MITF: variants seen among roughly 807,000 people sequenced by gnomAD.
MITF encodes microphthalmia-associated transcription factor.
In MITF, 17 loss-of-function variants were observed where a neutral mutation model predicts 60.5. The observed-to-expected ratio is 0.28, with a 90% CI of 0.19 to 0.42. The LOEUF is 0.42. MITF is among the 10% of genes least tolerant of loss of function. The pLI is 1.00. For synonymous variants in MITF, 260 were observed against 248.5 expected (o/e 1.05, Z -0.43); for missense variants, 622 against 683.5 (o/e 0.91, Z 1.00).
chr3:69,814,793 C>T (rs1269422439), intron 1 of MITF, among the ~76,000 whole-genome samples: 2 of 152,106 alleles, frequency 1.3e-5, no homozygotes, highest in Non-Finnish European at 2.9e-5. Flanking sequence ...CCAGTGGAGT[C>T]ACATGGAGAT....
chr3:69,770,791 G>A (rs762664180), intron 1 of MITF, among the ~76,000 whole-genome samples: 13 of 152,166 alleles, frequency 8.5e-5, no homozygotes, highest in Admixed American at 2.0e-4. Context: ...ATGGTTGAAT[G>A]TAGGAAGTGG....
intron 1 of MITF, among the ~76,000 whole-genome samples, chr3:69,845,641 C>A (rs1345802869): frequency 2.0e-5 from 3 of 152,178 alleles, no homozygotes; most frequent in African/African-American, 7.2e-5. Flanking sequence ...ACCCAGTTAG[C>A]CTTTAGATGT....
intron 7 of MITF, among the ~76,000 whole-genome samples, chr3:69,955,737 C>A (rs2066380243): frequency 6.6e-6 from 1 of 151,998 alleles, no homozygotes; most frequent in South Asian, 2.1e-4. Context: ...ATCTCATGAC[C>A]CAGGAGATGG....
At chr3:69,902,827 C>T (rs1416364421) in intron 2 of MITF, among the ~76,000 whole-genome samples, 4 of 151,518 alleles carry the variant, frequency 2.6e-5, no homozygotes, top group African/African-American at 7.3e-5. Context: ...AGGGAAGTAC[C>T]TCTGAAACAT....
At chr3:69,791,763 A>G (rs2062744017) in intron 1 of MITF, among the ~76,000 whole-genome samples, 1 of 152,232 alleles carries the variant, frequency 6.6e-6, no homozygotes, top group Non-Finnish European at 1.5e-5. Context: ...AAAGCTATGC[A>G]CTGCATGACA....
chr3:69,915,880 A>C (rs1225129539), intron 2 of MITF, among the ~76,000 whole-genome samples: 1 of 152,216 alleles, frequency 6.6e-6, no homozygotes, highest in Non-Finnish European at 1.5e-5. Context: ...AGTCCAGTGC[A>C]GAACACCTGA....
In MITF at chr3:69,949,175, A is replaced by G; in HGVS notation, c.880+7A>G. 6.3e-7 allele frequency: 1 copy of G among 1,591,960 alleles called. No individual in the cohort carries two copies. Among genetic ancestry groups the G allele is most frequent in the Non-Finnish European group, 8.6e-7 (1 of 1,159,878 alleles). ...ATAAAAAGGGAGCTCACAGGTAAAC[A>G]CCTAGTAAATGTGCCTCTTACTGCA... On this transcript the variant is annotated splice_region_variant and intron_variant, in intron 6 of 9. Coordinates refer to ENST00000352241, the MANE Select transcript of MITF (RefSeq NM_001354604.2).
intron 1 of MITF, among the ~76,000 whole-genome samples, chr3:69,835,436 A>T (rs1259720918): frequency 6.6e-6 from 1 of 151,800 alleles, no homozygotes; most frequent in Non-Finnish European, 1.5e-5. Context: ...TTGTCTCTTC[A>T]CTCTGTTAAT....
At chr3:69,946,669 G>A (rs1288426346) in intron 5 of MITF, among the ~76,000 whole-genome samples, 2 of 152,112 alleles carry the variant, frequency 1.3e-5, no homozygotes, top group Non-Finnish European at 2.9e-5. Context: ...CAGCAAGTAT[G>A]GGAAAAGCAG....
chr3:69,761,178 TA>T (rs1034509840), intron 1 of MITF, among the ~76,000 whole-genome samples: 1 of 151,892 alleles, frequency 6.6e-6, no homozygotes, highest in Non-Finnish European at 1.5e-5. Flanking sequence ...CCTATGTAAT[TA>T]AAAAAAATTC....
chr3:69,786,819 G>A (rs185123639), intron 1 of MITF, among the ~76,000 whole-genome samples: 86 of 152,284 alleles, frequency 5.6e-4, no homozygotes, highest in Non-Finnish European at 1.0e-3. Flanking sequence ...GGAAATGACC[G>A]AAAGTCCAAC....
At chr3:69,915,375 T>C (rs535304173) in intron 2 of MITF, among the ~76,000 whole-genome samples, 2 of 152,232 alleles carry the variant, frequency 1.3e-5, no homozygotes, top group African/African-American at 4.8e-5. Flanking sequence ...CACAAGAATA[T>C]ATATCATAAG....
chr3:69,755,083 G>T (rs1033586602), intron 1 of MITF, among the ~76,000 whole-genome samples: 1 of 152,188 alleles, frequency 6.6e-6, no homozygotes, highest in Non-Finnish European at 1.5e-5. Context: ...GATATTTAAG[G>T]ATGGCACATG....
chr3:69,766,796 T>C lies in MITF; in HGVS notation c.104+27095T>C, dbSNP rs572225929. The stretch of plus-strand genomic sequence containing the variant: ...TATTGCCAACTGTCACTTCACTCTT[T>C]CCTGTGAACCCAGGAGGAGCCTTGG... On this transcript the variant is annotated intron_variant, in intron 1 of 9. Coordinates refer to ENST00000352241, the MANE Select transcript of MITF (RefSeq NM_001354604.2). 2.0e-5 allele frequency among the ~76,000 whole-genome samples: 3 copies of C among 152,276 alleles called. No individual in the cohort carries two copies. In the South Asian group the frequency reaches 6.2e-4, roughly 32 times the overall value.
At chr3:69,901,284 A>G (rs2064990701) in intron 2 of MITF, among the ~76,000 whole-genome samples, 1 of 151,716 alleles carries the variant, frequency 6.6e-6, no homozygotes, top group Admixed American at 6.6e-5. Context: ...AGTTGTATTT[A>G]GCTTCATTTA....
chr3:69,930,237 C>T (rs1040547568), intron 2 of MITF, among the ~76,000 whole-genome samples: 4 of 151,938 alleles, frequency 2.6e-5, no homozygotes. Context: ...GTTCGATCAC[C>T]AGGGCTGGGA....
At chr3:69,820,207 G>A (rs7634549) in intron 1 of MITF, among the ~76,000 whole-genome samples, 51,327 of 152,082 alleles carry the variant, frequency 0.34, 9,694 homozygotes, top group Non-Finnish European at 0.43. Flanking sequence ...TTGACTTCAC[G>A]TGCTTCATTT....
At chr3:69,938,098 G>C in intron 3 of MITF, 49 bp downstream of exon 3, 1 of 1,571,228 alleles carries the variant, frequency 6.4e-7, no homozygotes, top group South Asian at 1.1e-5. Flanking sequence ...TAAATAACTT[G>C]TCTGTTGAAT....
intron 1 of MITF, among the ~76,000 whole-genome samples, chr3:69,846,731 C>G (rs918994442): frequency 6.7e-6 from 1 of 149,174 alleles, no homozygotes; most frequent in Non-Finnish European, 1.5e-5. Context: ...ACATGAGACT[C>G]ACTTGAACCC....
Sources: gnomAD v4.1 joint callset for allele counts (sites outside exome capture counted in the v4.1 genomes callset) on GRCh38, gnomAD v4.1.1 for gene constraint, MANE v1.5 for transcripts, NCBI Gene and HGNC (gene_info 2026-07-23, HGNC 2026-07-21) for gene names.